OPCML: variants seen among roughly 807,000 people sequenced by gnomAD.
The protein encoded by OPCML is opioid-binding protein/cell adhesion molecule.
A neutral mutation model predicts 37.8 loss-of-function variants in OPCML; 13 were observed. The observed-to-expected ratio is 0.34, with a 90% CI of 0.22 to 0.55. The LOEUF (loss-of-function observed/expected upper bound fraction) is 0.55, where lower values mean the gene tolerates loss of function less well. Ranked by LOEUF, OPCML falls within the 20% of genes least tolerant of loss-of-function variation. The pLI, the probability that OPCML is intolerant of heterozygous loss-of-function variation, is 0.91. For missense variants in OPCML, 341 were observed against 435.6 expected, an observed-to-expected ratio of 0.78 and a Z score of 1.93; for synonymous variants, 176 against 168.8, an observed-to-expected ratio of 1.04 and a Z score of -0.33.
chr11:133,253,458 C>T (rs758832588), intron 1 of OPCML, among the ~76,000 whole-genome samples: 14 of 152,158 alleles, frequency 9.2e-5, no homozygotes, highest in Admixed American at 3.3e-4. Context: ...TACAGACACG[C>T]ACCACCATGC....
At chr11:133,104,983 C>T (rs988340179) in intron 1 of OPCML, among the ~76,000 whole-genome samples, 1 of 152,214 alleles carries the variant, frequency 6.6e-6, no homozygotes, top group East Asian at 1.9e-4. Flanking sequence ...TATTAATAGG[C>T]CAAAATAATT....
chr11:133,213,526 C>A (rs1255433821), intron 1 of OPCML, among the ~76,000 whole-genome samples: 3 of 152,072 alleles, frequency 2.0e-5, no homozygotes, highest in Non-Finnish European at 4.4e-5. Flanking sequence ...AATGGAGGGG[C>A]TTTAATAATA....
chr11:132,944,011 G>A (rs1035818764), intron 1 of OPCML, among the ~76,000 whole-genome samples: 1 of 151,812 alleles, frequency 6.6e-6, no homozygotes, highest in Non-Finnish European at 1.5e-5. Context: ...GCTGGCGGGC[G>A]GCGCGGACTG....
At chr11:132,896,535 T>C (rs1426924529) in intron 2 of OPCML, among the ~76,000 whole-genome samples, 1 of 152,214 alleles carries the variant, frequency 6.6e-6, no homozygotes, top group Non-Finnish European at 1.5e-5. Context: ...AATACCTTTT[T>C]CTCCATTTGT....
chr11:133,166,257 C>T (rs746047934), intron 1 of OPCML, among the ~76,000 whole-genome samples: 1 of 152,198 alleles, frequency 6.6e-6, no homozygotes, highest in Non-Finnish European at 1.5e-5. Context: ...ACTAGCATTT[C>T]TATAGTAATT....
intron 2 of OPCML, among the ~76,000 whole-genome samples, chr11:132,731,642 G>A (rs141789287): frequency 2.5e-4 from 38 of 152,252 alleles, no homozygotes; most frequent in Admixed American, 1.0e-3. Context: ...AGTGTGTTGC[G>A]TTAGTCCACA....
intron 7 of OPCML, among the ~76,000 whole-genome samples, chr11:132,425,980 T>C (rs61908167): frequency 0.03 from 4,597 of 152,338 alleles, 100 homozygotes; most frequent in Non-Finnish European, 0.044. Flanking sequence ...AAATGGAAAG[T>C]GAGAACATGT....
intron 1 of OPCML, among the ~76,000 whole-genome samples, chr11:133,514,677 T>C (rs1451059055): frequency 6.6e-6 from 1 of 152,212 alleles, no homozygotes; most frequent in East Asian, 1.9e-4. Flanking sequence ...CTCAAAACTC[T>C]ATTGCCATAA....
At chr11:132,923,494 AG>A (rs1378940475) in intron 2 of OPCML, among the ~76,000 whole-genome samples, 1 of 152,222 alleles carries the variant, frequency 6.6e-6, no homozygotes, top group African/African-American at 2.4e-5. Flanking sequence ...CTGAAAGATG[AG>A]TAAGACCTGT....
intron 1 of OPCML, among the ~76,000 whole-genome samples, chr11:133,155,464 C>T (rs978130183): frequency 2.6e-5 from 4 of 152,078 alleles, no homozygotes; most frequent in Non-Finnish European, 4.4e-5. Flanking sequence ...CCTTGGCTTC[C>T]GTGAAACCAG....
chr11:132,805,941 T>C (rs1182123564), intron 2 of OPCML, among the ~76,000 whole-genome samples: 1 of 152,068 alleles, frequency 6.6e-6, no homozygotes, highest in East Asian at 1.9e-4. Context: ...ATTCAAAACA[T>C]ATGAAAATGC....
intron 1 of OPCML, among the ~76,000 whole-genome samples, chr11:133,435,861 G>A (rs1023005183): frequency 4.6e-5 from 7 of 152,136 alleles, no homozygotes; most frequent in African/African-American, 1.4e-4. Context: ...AGCACATTAC[G>A]CATATTGCAC....
intron 2 of OPCML, among the ~76,000 whole-genome samples, chr11:132,707,066 T>A (rs924516458): frequency 1.3e-5 from 2 of 152,336 alleles, no homozygotes; most frequent in South Asian, 2.1e-4. Context: ...TATGCTTTTT[T>A]AAAATGTAAT....
At chr11:132,762,017 T>C (rs1475362510) in intron 2 of OPCML, among the ~76,000 whole-genome samples, 1 of 152,240 alleles carries the variant, frequency 6.6e-6, no homozygotes, top group African/African-American at 2.4e-5. Flanking sequence ...TTTGTTGATG[T>C]TGATGCTCTC....
At chr11:132,809,199 C>T (rs1333851498) in intron 2 of OPCML, among the ~76,000 whole-genome samples, 3 of 152,188 alleles carry the variant, frequency 2.0e-5, no homozygotes, top group Non-Finnish European at 4.4e-5. Context: ...TTCGCTGACG[C>T]TAAGAAGCAG....
intron 2 of OPCML, among the ~76,000 whole-genome samples, chr11:132,748,847 G>A (rs984379055): frequency 1.3e-5 from 2 of 152,214 alleles, no homozygotes; most frequent in Non-Finnish European, 2.9e-5. Flanking sequence ...GAGAGAGACT[G>A]TGTGAACTTC....
chr11:132,567,402 C>A (rs1176458568), intron 3 of OPCML, among the ~76,000 whole-genome samples: 1 of 152,204 alleles, frequency 6.6e-6, no homozygotes, highest in African/African-American at 2.4e-5. Flanking sequence ...CATGGTTCTC[C>A]TATTGCTCCT....
intron 1 of OPCML, among the ~76,000 whole-genome samples, chr11:133,265,899 A>G (rs894302288): frequency 3.9e-5 from 6 of 152,214 alleles, no homozygotes; most frequent in Non-Finnish European, 5.9e-5. Flanking sequence ...CTCTCAGCCA[A>G]TCGTCTCAGA....
intron 1 of OPCML, among the ~76,000 whole-genome samples, chr11:132,962,541 AG>A (rs1326358712): frequency 6.6e-6 from 1 of 152,232 alleles, no homozygotes; most frequent in Non-Finnish European, 1.5e-5. Flanking sequence ...TGTGGACCAA[AG>A]GAAAACCCTG....
Sources: gnomAD v4.1 joint callset for allele counts (sites outside exome capture counted in the v4.1 genomes callset) on GRCh38, gnomAD v4.1.1 for gene constraint, MANE v1.5 for transcripts, NCBI Gene and HGNC (gene_info 2026-07-23, HGNC 2026-07-21) for gene names.